Variants in TRPV3 observed in about 807,000 individuals in gnomAD.
The protein encoded by TRPV3 is transient receptor potential cation channel subfamily V member 3.
Under a neutral mutation model 87.1 loss-of-function variants are expected in TRPV3, and 88 were observed. The ratio of observed to expected loss-of-function variants is 1.01; its 90% CI spans 0.85 to 1.21. The LOEUF is 1.21. Among genes scored for constraint, TRPV3 ranks in the 50% most tolerant of loss-of-function variants. The probability of loss-of-function intolerance (pLI) is 0.00; values close to 1 mark genes in which losing one functional copy is unlikely to be tolerated. For missense variants in TRPV3, 1,054 were observed against 1,030.1 expected, an observed-to-expected ratio of 1.02 and a Z score of -0.32; for synonymous variants, 438 against 423.3, an observed-to-expected ratio of 1.03 and a Z score of -0.43.
chr17:3,542,256 C>T (rs2074470633), intron 6 of TRPV3, among the ~76,000 whole-genome samples: 1 of 152,264 alleles, frequency 6.6e-6, no homozygotes, highest in Admixed American at 6.5e-5. Flanking sequence ...CACGCCCGGC[C>T]TTAGAGCAGT....
chr17:3,537,917 T>A (rs1446317647), intron 6 of TRPV3, among the ~76,000 whole-genome samples: 1 of 120,620 alleles, frequency 8.3e-6, no homozygotes, highest in Non-Finnish European at 1.7e-5. Context: ...AAAAAAGGCA[T>A]GCCAGGCACG....
intron 6 of TRPV3, 31 bp from the exon 7 acceptor site, chr17:3,535,744 T>C: frequency 6.9e-7 from 1 of 1,441,912 alleles, no homozygotes; most frequent in South Asian, 1.5e-5. Context: ...CGCGGGAGCC[T>C]CAGCGCCGGG....
chr17:3,525,271 C>A (rs1042128979), intron 12 of TRPV3, among the ~76,000 whole-genome samples: 1 of 152,204 alleles, frequency 6.6e-6, no homozygotes, highest in South Asian at 2.1e-4. Flanking sequence ...CCACCCACCT[C>A]GGCCTCCCAA....
chr17:3,538,190 C>CA lies in TRPV3; in HGVS notation c.644-2478dup, dbSNP rs142660035. On this transcript the variant is annotated intron_variant, in intron 6 of 17. Transcript: ENST00000576742. Reference sequence around the variant, plus strand: ...TGGGCAATAGAGCAAGACCCCGTCTCAAAAAAAAAATAGAAAGGCATTGTG... The same window carrying CA: ...TGGGCAATAGAGCAAGACCCCGTCTCAAAAAAAAAAATAGAAAGGCATTGTG... 4.2e-3 allele frequency among the ~76,000 whole-genome samples: 607 copies of CA among 144,970 alleles called. 22 individuals are homozygous for CA. In the East Asian group the frequency reaches 0.089, roughly 21 times the overall value.
At position 3,510,734 on chromosome 17, in the gene TRPV3, T is replaced by C. The variant is rs2074101158; in HGVS notation, c.*3183A>G. 6.6e-6 allele frequency: 1 copy of C among 152,204 alleles called. No individual in the cohort carries two copies. The highest frequency in any genetic ancestry group is 1.5e-5 in the Non-Finnish European group (1 of 68,036). The allele number at this position is 152,204 out of a possible 1,614,324, so 9.4% of individuals were successfully genotyped here. A position where few individuals can be genotyped will look rare whatever the true frequency, so the allele number is the denominator to read the frequency against. On this transcript the variant is annotated 3_prime_UTR_variant, in exon 18 of 18. Coordinates refer to ENST00000576742, the MANE Select transcript of TRPV3 (RefSeq NM_145068.4). ...TCACAGTAAAAAATATGTAAATCAA[T>C]GCAGAAATCAAGTACGGCTTACAGG...
At chr17:3,544,294 CT>C (rs1385495765) in intron 4 of TRPV3, among the ~76,000 whole-genome samples, 9 of 80,714 alleles carry the variant, frequency 1.1e-4, no homozygotes, top group Non-Finnish European at 3.5e-4. Flanking sequence ...GGTATGAGCC[CT>C]GCACCTGGCT....
At chr17:3,529,517 C>T (rs1044815104) in intron 9 of TRPV3, among the ~76,000 whole-genome samples, 4 of 152,098 alleles carry the variant, frequency 2.6e-5, no homozygotes, top group Admixed American at 6.5e-5. Flanking sequence ...AGCTGAACAC[C>T]TCTCATAGCT....
rs751186712 is a variant in TRPV3 at position 3,528,899 on chromosome 17, A to C, written c.1339T>G (p.Phe447Val). The change falls in exon 10 of 18, where the codon TTT (phenylalanine) becomes GTT (valine). Residue 447 changes from phenylalanine to valine, a missense_variant. Physicochemically the swap from Phe to Val is conservative, Grantham distance 50. Transcript: ENST00000576742. The surrounding 1 kb of genome is among the most constrained non-coding windows in gnomAD (Gnocchi z 4.2). ...AGGGTGATGTTGTAGAAGAAATAAA[A>C]GCAGAAGGACAGAAAGAACATGTGC... Reference protein sequence around the residue: ...AKHMFFLSFCFYFFYNITLTL... With the variant: ...AKHMFFLSFCVYFFYNITLTL... 1 of 1,614,218 alleles carries C rather than the reference A, an allele frequency of 6.2e-7. No individual in the cohort carries two copies. The highest frequency in any genetic ancestry group is 1.1e-5 in the South Asian group (1 of 91,084).
intron 14 of TRPV3, among the ~76,000 whole-genome samples, chr17:3,519,890 TTG>T (rs2074229221): frequency 3.0e-5 from 1 of 33,454 alleles, no homozygotes; most frequent in African/African-American, 1.1e-4. Context: ...GGATGGATGA[TTG>T]GATGGATGAT....
At chr17:3,533,046 G>A (rs2074363678) in intron 7 of TRPV3, 109 bp from the exon 8 acceptor site, 2 of 1,297,936 alleles carry the variant, frequency 1.5e-6, no homozygotes, top group African/African-American at 2.9e-5. Flanking sequence ...GGCACCTCAG[G>A]TTCCCTAGCC....
intron 12 of TRPV3, among the ~76,000 whole-genome samples, chr17:3,524,696 G>A (rs758300977): frequency 6.6e-6 from 1 of 151,818 alleles, no homozygotes; most frequent in Non-Finnish European, 1.5e-5. Context: ...CACGGGCCTG[G>A]TGTAGTGGCT....
intron 9 of TRPV3, among the ~76,000 whole-genome samples, chr17:3,529,473 G>A (rs1345789531): frequency 2.0e-5 from 3 of 152,168 alleles, no homozygotes; most frequent in East Asian, 3.9e-4. Context: ...GTATGAAGGA[G>A]GAAGACCCAG....
intron 6 of TRPV3, among the ~76,000 whole-genome samples, chr17:3,538,372 G>A (rs979694872): frequency 6.6e-6 from 1 of 151,372 alleles, no homozygotes; most frequent in East Asian, 1.9e-4. Context: ...AATCACTGGT[G>A]GTCAGGAAAA....
intron 2 of TRPV3, 159 bp downstream of exon 2, chr17:3,554,573 G>A (rs533820846): frequency 9.9e-5 from 60 of 605,636 alleles, no homozygotes; most frequent in South Asian, 5.9e-4. Flanking sequence ...GCTCCCCACC[G>A]CACCATCCCC....
intron 4 of TRPV3, 58 bp downstream of exon 4, chr17:3,544,521 T>A: frequency 8.7e-7 from 1 of 1,143,228 alleles, no homozygotes; most frequent in Non-Finnish European, 1.3e-6. Context: ...GGATCCTGTC[T>A]CTCTGGCACC....
At chr17:3,545,506 A>G (rs562720422) in intron 2 of TRPV3, among the ~76,000 whole-genome samples, 16 of 152,188 alleles carry the variant, frequency 1.1e-4, no homozygotes, top group Non-Finnish European at 2.1e-4. Flanking sequence ...AAACTAAAGA[A>G]AAGGACTGAG....
At chr17:3,555,272 G>T (rs918865494) in intron 1 of TRPV3, among the ~76,000 whole-genome samples, 2 of 152,214 alleles carry the variant, frequency 1.3e-5, no homozygotes, top group Admixed American at 6.5e-5. Context: ...GGACTCCTAA[G>T]CACTAGCTCT....
Position 3,543,647 on chromosome 17 carries a change from T to G in TRPV3, c.312-19A>C. The stretch of plus-strand genomic sequence containing the variant: ...CTGTGCACTGAAGCCAGAAAATGTT[T>G]CCAACTCAACACACACATCCTCTCA... On this transcript the variant is annotated intron_variant, in intron 4 of 17. Coordinates refer to ENST00000576742, the MANE Select transcript of TRPV3 (RefSeq NM_145068.4). The G allele has an allele frequency of 6.2e-7, 1 of 1,613,500 alleles. No homozygotes were observed. Among genetic ancestry groups the G allele is most frequent in the Non-Finnish European group, 8.5e-7 (1 of 1,179,684 alleles).
rs1157863798 is a variant in TRPV3, at chr17:3,510,525, T to A, written c.*3392A>T. On this transcript the variant is annotated 3_prime_UTR_variant, in exon 18 of 18. Coordinates refer to ENST00000576742, the MANE Select transcript of TRPV3 (RefSeq NM_145068.4). ...CATAACGAGGCAAAACAAATATTTA[T>A]TAGAAATCAAAAAACCATTTCTTCA... is the stretch of plus-strand genomic sequence containing the variant. 2 of 152,236 alleles carry A rather than the reference T, an allele frequency of 1.3e-5. No individual in the cohort carries two copies. Among genetic ancestry groups the A allele is most frequent in the Non-Finnish European group, 2.9e-5 (2 of 68,038 alleles). The allele number at this position is 152,236 out of a possible 1,614,324, so 9.4% of individuals were successfully genotyped here.
Sources: allele counts gnomAD v4.1 joint callset (sites outside exome capture counted in the v4.1 genomes callset), GRCh38; gene constraint gnomAD v4.1.1; non-coding constraint Gnocchi (gnomAD v3.1); transcripts MANE v1.5; gene names NCBI Gene and HGNC (gene_info 2026-07-23, HGNC 2026-07-21).